The following RAB27B variants were observed in gnomAD, a reference collection of about 807,000 sequenced individuals.
RAB27B encodes ras-related protein Rab-27B.
A neutral mutation model predicts 24.6 loss-of-function variants in RAB27B; 15 were observed. That is an observed-to-expected ratio of 0.61 (90% confidence interval 0.41 to 0.94). The LOEUF (loss-of-function observed/expected upper bound fraction) is 0.94. Among genes scored for constraint, RAB27B ranks in the 40% least tolerant of loss-of-function variants. The probability of loss-of-function intolerance (pLI) is 0.00; values close to 1 mark genes in which losing one functional copy is unlikely to be tolerated. For missense variants in RAB27B, 261 were observed against 266.8 expected, an observed-to-expected ratio of 0.98 and a Z score of 0.15; for synonymous variants, 105 against 92.5, an observed-to-expected ratio of 1.14 and a Z score of -0.78.
intron 1 of RAB27B, among the ~76,000 whole-genome samples, chr18:54,845,127 C>G (rs540643187): frequency 6.6e-6 from 1 of 152,264 alleles, no homozygotes; most frequent in East Asian, 1.9e-4. Context: ...CCATTTAGGA[C>G]CTGTCGCAGT....
chr18:54,847,102 C>T, intron 1 of RAB27B, among the ~76,000 whole-genome samples: 1 of 152,178 alleles, frequency 6.6e-6, no homozygotes. Context: ...CCGCCCACCT[C>T]AGCCTCCCAA....
intron 2 of RAB27B, among the ~76,000 whole-genome samples, chr18:54,728,903 C>CAAAAAAAAAAA (rs58878407): frequency 1.5e-5 from 1 of 68,254 alleles, no homozygotes; most frequent in Non-Finnish European, 2.5e-5. Flanking sequence ...AAAAAAAACC[C>CAAAAAAAAAAA]AAAAAAAAAA....
intron 2 of RAB27B, among the ~76,000 whole-genome samples, chr18:54,800,713 C>T (rs769484548): frequency 2.0e-4 from 30 of 152,150 alleles, no homozygotes; most frequent in Non-Finnish European, 3.7e-4. Context: ...AGCCCCAACT[C>T]TAATCTCACC....
chr18:54,887,332 T>C (rs1913185687), intron 4 of RAB27B, among the ~76,000 whole-genome samples: 1 of 151,986 alleles, frequency 6.6e-6, no homozygotes, highest in South Asian at 2.1e-4. Context: ...GAAGCAGTTA[T>C]GGCCATCTCA....
intron 1 of RAB27B, 125 bp from the exon 2 acceptor site, chr18:54,877,442 A>G: frequency 2.9e-6 from 2 of 700,438 alleles, no homozygotes; most frequent in Non-Finnish European, 2.1e-6. Flanking sequence ...AGTTAATTTC[A>G]AATATGGCAG....
chr18:54,895,123 AG>A lies in RAB27B; in HGVS notation c.*5711del, dbSNP rs1913518697. Reference sequence around the variant, plus strand: ...TTAAAAAAATAAATTATCCTGCTTTAGTTAGTGTGTTAAAAGTAGACGATGT... The same window carrying A: ...TTAAAAAAATAAATTATCCTGCTTTATTAGTGTGTTAAAAGTAGACGATGT... On this transcript the variant is annotated 3_prime_UTR_variant, in exon 6 of 6. Coordinates refer to ENST00000262094, the MANE Select transcript of RAB27B (RefSeq NM_004163.4). 1 of 498 alleles carries A rather than the reference AG, an allele frequency of 2.0e-3. No individual in the cohort carries two copies. Among genetic ancestry groups the A allele is most frequent in the African/African-American group, 2.2e-3 (1 of 452 alleles). The allele number at this position is 498 out of a possible 1,614,324, so 0.0% of individuals were successfully genotyped here. A position where few individuals can be genotyped will look rare whatever the true frequency, so the allele number is the denominator to read the frequency against.
chr18:54,854,883 G>A (rs914800139), intron 1 of RAB27B, among the ~76,000 whole-genome samples: 1 of 152,260 alleles, frequency 6.6e-6, no homozygotes, highest in Middle Eastern at 3.4e-3. Flanking sequence ...CACCAGGGAC[G>A]GGTTTCATGA....
At chr18:54,854,399 C>T (rs1391178836) in intron 1 of RAB27B, among the ~76,000 whole-genome samples, 1 of 152,140 alleles carries the variant, frequency 6.6e-6, no homozygotes, top group Non-Finnish European at 1.5e-5. Context: ...AGAAATATGT[C>T]CCATTCCAAC....
intron 2 of RAB27B, among the ~76,000 whole-genome samples, chr18:54,821,452 C>T (rs1035758921): frequency 6.6e-6 from 1 of 152,084 alleles, no homozygotes; most frequent in Non-Finnish European, 1.5e-5. Context: ...GTGAAAATGG[C>T]CATACTGCCC....
intron 2 of RAB27B, among the ~76,000 whole-genome samples, chr18:54,810,853 TAAATAAATA>T (rs1909939854): frequency 6.7e-6 from 1 of 148,882 alleles, no homozygotes; most frequent in South Asian, 2.1e-4. Context: ...AATAAATAAA[TAAATAAATA>T]AATAAATAAA....
chr18:54,862,835 G>T (rs1912059902), intron 1 of RAB27B, among the ~76,000 whole-genome samples: 1 of 152,184 alleles, frequency 6.6e-6, no homozygotes, highest in Non-Finnish European at 1.5e-5. Flanking sequence ...TGATCTGTGA[G>T]CACATGTGCA....
chr18:54,724,521 C>G (rs1014154510), intron 2 of RAB27B, among the ~76,000 whole-genome samples: 6 of 151,092 alleles, frequency 4.0e-5, no homozygotes, highest in Non-Finnish European at 8.9e-5. Flanking sequence ...ATCAGGAGTT[C>G]GAGACCAGCC....
chr18:54,809,899 G>A (rs1461544330), intron 2 of RAB27B, among the ~76,000 whole-genome samples: 1 of 152,104 alleles, frequency 6.6e-6, no homozygotes, highest in African/African-American at 2.4e-5. Context: ...ATGATATTTT[G>A]AATTGTGCTG....
intron 1 of RAB27B, among the ~76,000 whole-genome samples, chr18:54,850,376 T>TATATATATACATACATA: frequency 1.1e-5 from 1 of 87,096 alleles, no homozygotes; most frequent in African/African-American, 5.3e-5. Context: ...ATACATATGT[T>TATATATATACATACATA]TAGTTTTTTT....
intron 2 of RAB27B, among the ~76,000 whole-genome samples, chr18:54,760,049 G>A (rs1908134424): frequency 6.6e-6 from 1 of 152,168 alleles, no homozygotes; most frequent in African/African-American, 2.4e-5. Flanking sequence ...GCCATATGCA[G>A]ACAGCAAAGC....
intron 2 of RAB27B, among the ~76,000 whole-genome samples, chr18:54,878,437 G>C (rs187481390): frequency 2.6e-5 from 4 of 152,266 alleles, no homozygotes. Context: ...TCCAGTTGAT[G>C]TCACAAATCT....
At position 54,748,987 on chromosome 18, in the gene RAB27B, G is replaced by A. The variant is rs115776089; in HGVS notation, c.-20+30846G>A. On this transcript the variant is annotated intron_variant, in intron 2 of 4. Coordinates refer to the RAB27B transcript ENST00000586570. ...ATGGGACAAATTATGGAAGGTGAGG[G>A]GCAGAACACGGGTTGTCTTATTATG... Among the ~76,000 whole-genome samples, 906 of 152,046 alleles carry A rather than the reference G, an allele frequency of 6.0e-3. 4 individuals carry two copies. The highest frequency in any genetic ancestry group is 0.021 in the African/African-American group (882 of 41,468).
chr18:54,881,370 T>G (rs1396825545), intron 3 of RAB27B, among the ~76,000 whole-genome samples: 1 of 152,018 alleles, frequency 6.6e-6, no homozygotes, highest in East Asian at 1.9e-4. Flanking sequence ...TGGGCAGTTA[T>G]CTCTGCATTC....
At chr18:54,864,821 A>C (rs747429478) in intron 1 of RAB27B, among the ~76,000 whole-genome samples, 2 of 152,152 alleles carry the variant, frequency 1.3e-5, no homozygotes, top group Non-Finnish European at 2.9e-5. Flanking sequence ...TAAGTTTTGA[A>C]ATTGAAAAGT....
Sources: gnomAD v4.1 joint callset for allele counts (sites outside exome capture counted in the v4.1 genomes callset) on GRCh38, gnomAD v4.1.1 for gene constraint, MANE v1.5 for transcripts, NCBI Gene and HGNC (gene_info 2026-07-23, HGNC 2026-07-21) for gene names.